EPHB1: variants seen among roughly 807,000 people sequenced by gnomAD.
EPHB1 encodes EPH receptor B1.
Under a neutral mutation model 94.4 loss-of-function variants are expected in EPHB1, and 30 were observed. That is an observed-to-expected ratio of 0.32 (90% CI 0.24 to 0.43). EPHB1 has a LOEUF of 0.43. EPHB1 is among the 20% of genes least tolerant of loss of function. The pLI, the probability that EPHB1 is intolerant of heterozygous loss-of-function variation, is 1.00. For missense variants in EPHB1, 1,055 were observed against 1,308.3 expected (o/e 0.81, Z 2.99); for synonymous variants, 522 against 489.1 (o/e 1.07, Z -0.89).
At chr3:135,024,319 C>A (rs2107755976) in intron 3 of EPHB1, among the ~76,000 whole-genome samples, 1 of 152,330 alleles carries the variant, frequency 6.6e-6, no homozygotes, top group South Asian at 2.1e-4. Context: ...TGTTTATTTT[C>A]ATGTCACAAA....
chr3:135,110,143 C>T lies in EPHB1; in HGVS notation c.961+3540C>T, dbSNP rs144340316. Among the ~76,000 whole-genome samples, 657 of 152,332 alleles carry T rather than the reference C, an allele frequency of 4.3e-3. 5 individuals carry two copies. Among genetic ancestry groups the T allele is most frequent in the African/African-American group, 0.015 (632 of 41,572 alleles). The stretch of plus-strand genomic sequence containing the variant: ...GCCTGTGAAAAACTATACAGAAGGA[C>T]TGGTGTGAAAATAATTACCTTGTTA... On this transcript the variant is annotated intron_variant, in intron 4 of 15. Coordinates refer to ENST00000398015, the MANE Select transcript of EPHB1 (RefSeq NM_004441.5).
intron 3 of EPHB1, among the ~76,000 whole-genome samples, chr3:135,083,509 G>A (rs1938232671): frequency 6.6e-6 from 1 of 151,980 alleles, no homozygotes; most frequent in African/African-American, 2.4e-5. Flanking sequence ...CCAATAGACA[G>A]GTTGAAAATA....
At chr3:134,835,734 A>G (rs949181057) in intron 1 of EPHB1, among the ~76,000 whole-genome samples, 1 of 152,208 alleles carries the variant, frequency 6.6e-6, no homozygotes, top group African/African-American at 2.4e-5. Context: ...CTGTGAAGGG[A>G]ATAGCCTGAG....
intron 3 of EPHB1, among the ~76,000 whole-genome samples, chr3:135,081,873 A>G (rs1938177699): frequency 6.6e-6 from 1 of 152,118 alleles, no homozygotes; most frequent in Non-Finnish European, 1.5e-5. Flanking sequence ...ATGCTCACCA[A>G]TTTGCTGTGG....
chr3:134,812,850 G>A (rs540064453), intron 1 of EPHB1, among the ~76,000 whole-genome samples: 3 of 152,164 alleles, frequency 2.0e-5, no homozygotes, highest in Non-Finnish European at 4.4e-5. Context: ...GCATTTCCCT[G>A]ATGTGTCTTT....
chr3:135,132,611 G>A (rs1369211709), intron 4 of EPHB1, 103 bp from the exon 5 acceptor site: 11 of 1,001,776 alleles, frequency 1.1e-5, no homozygotes, highest in South Asian at 1.7e-5. Context: ...AGTGGGAGGC[G>A]AGCGCACTGA....
chr3:135,218,034 G>A (rs1468677747), intron 12 of EPHB1, among the ~76,000 whole-genome samples: 1 of 152,012 alleles, frequency 6.6e-6, no homozygotes, highest in Non-Finnish European at 1.5e-5. Flanking sequence ...CTGATTCATG[G>A]CCTGCCTCAT....
At chr3:134,922,108 A>C (rs2038699676) in intron 1 of EPHB1, among the ~76,000 whole-genome samples, 1 of 152,160 alleles carries the variant, frequency 6.6e-6, no homozygotes, top group Non-Finnish European at 1.5e-5. Flanking sequence ...CCCAGATCTC[A>C]CAGCACCACA....
chr3:135,159,549 G>C (rs1398060544), intron 6 of EPHB1, among the ~76,000 whole-genome samples: 3 of 152,222 alleles, frequency 2.0e-5, no homozygotes, highest in African/African-American at 7.2e-5. Flanking sequence ...TCAGATCTCA[G>C]ATCTCCACTG....
chr3:134,957,950 T>C (rs1933344814), intron 3 of EPHB1, among the ~76,000 whole-genome samples: 2 of 152,326 alleles, frequency 1.3e-5, no homozygotes, highest in East Asian at 1.9e-4. Flanking sequence ...CAGCTCTCGA[T>C]GTGCCTGTCT....
intron 3 of EPHB1, among the ~76,000 whole-genome samples, chr3:134,965,360 C>CGA (rs2107724052): frequency 6.6e-6 from 1 of 152,306 alleles, no homozygotes; most frequent in East Asian, 1.9e-4. Context: ...CCCTGCTCTA[C>CGA]CTACCCTGCC....
intron 5 of EPHB1, among the ~76,000 whole-genome samples, chr3:135,133,965 C>T (rs1449222082): frequency 6.6e-6 from 1 of 152,214 alleles, no homozygotes; most frequent in Non-Finnish European, 1.5e-5. Context: ...TATTGTTCCT[C>T]CCATGAAACT....
At chr3:134,829,450 C>A (rs1368484015) in intron 1 of EPHB1, among the ~76,000 whole-genome samples, 1 of 152,068 alleles carries the variant, frequency 6.6e-6, no homozygotes, top group Non-Finnish European at 1.5e-5. Flanking sequence ...CTTTTAGAAC[C>A]CTGCGTCTCT....
chr3:134,904,326 G>C (rs954567117), intron 1 of EPHB1, among the ~76,000 whole-genome samples: 4 of 152,216 alleles, frequency 2.6e-5, no homozygotes, highest in Non-Finnish European at 5.9e-5. Context: ...AGTTTAATTT[G>C]CTGTTAATTC....
chr3:135,089,618 G>A (rs1576374707), intron 3 of EPHB1, among the ~76,000 whole-genome samples: 2 of 152,292 alleles, frequency 1.3e-5, no homozygotes, highest in Admixed American at 6.5e-5. Flanking sequence ...TTGCTGGCCT[G>A]ACCGTAAAGC....
intron 1 of EPHB1, among the ~76,000 whole-genome samples, chr3:134,891,986 G>T (rs1407965166): frequency 6.6e-6 from 1 of 152,208 alleles, no homozygotes; most frequent in African/African-American, 2.4e-5. Context: ...CTTTAGCCAG[G>T]CTTCTGTTCT....
intron 5 of EPHB1, among the ~76,000 whole-genome samples, chr3:135,151,743 T>C (rs1321111295): frequency 6.6e-6 from 1 of 152,208 alleles, no homozygotes; most frequent in Non-Finnish European, 1.5e-5. Context: ...AAAAATACAC[T>C]TGACAGCTTA....
intron 9 of EPHB1, among the ~76,000 whole-genome samples, chr3:135,177,673 G>A (rs1035441182): frequency 2.0e-4 from 31 of 152,076 alleles, no homozygotes; most frequent in Admixed American, 2.0e-3. Context: ...CTCATCTCAG[G>A]TACTTCTTGG....
intron 2 of EPHB1, among the ~76,000 whole-genome samples, chr3:134,936,998 A>G (rs2039017322): frequency 6.6e-6 from 1 of 152,160 alleles, no homozygotes; most frequent in Non-Finnish European, 1.5e-5. Context: ...GTGCCAGTTG[A>G]AGGTAATGGT....
Sources: gnomAD v4.1 joint callset for allele counts (sites outside exome capture counted in the v4.1 genomes callset) on GRCh38, gnomAD v4.1.1 for gene constraint, MANE v1.5 for transcripts, NCBI Gene and HGNC (gene_info 2026-07-23, HGNC 2026-07-21) for gene names.